The following TLCD3B variants were observed in gnomAD, a reference collection of about 807,000 sequenced individuals.
TLCD3B encodes the protein ceramide synthase.
Under a neutral mutation model 23.0 loss-of-function variants are expected in TLCD3B, and 9 were observed. The ratio of observed to expected loss-of-function variants is 0.39; its 90% CI spans 0.24 to 0.68. The LOEUF (loss-of-function observed/expected upper bound fraction) is 0.68. Among genes scored for constraint, TLCD3B ranks in the 30% least tolerant of loss-of-function variants. The pLI, the probability that TLCD3B is intolerant of heterozygous loss-of-function variation, is 0.44. For synonymous variants in TLCD3B, 161 were observed against 161.0 expected (o/e 1.00, Z 0.00); for missense variants, 307 against 371.8 (o/e 0.83, Z 1.43).
At chr16:30,035,221 C>T (rs2071444994), upstream of TLCD3B, 1 of 1,085,910 alleles carries the variant, frequency 9.2e-7, no homozygotes, top group Non-Finnish European at 1.2e-6. Flanking sequence ...CTGCTGGTGT[C>T]TTTTGACTCC....
intron 3 of TLCD3B, among the ~76,000 whole-genome samples, chr16:30,039,207 G>A (rs757931374): frequency 3.6e-5 from 5 of 139,528 alleles, no homozygotes; most frequent in South Asian, 2.4e-4. Context: ...TACCGCAAAC[G>A]TCGCCTCCCA....
upstream of TLCD3B, chr16:30,035,318 C>T (rs1297650257): frequency 4.7e-6 from 6 of 1,288,300 alleles, no homozygotes; most frequent in South Asian, 6.2e-5. Flanking sequence ...AGCCATGGCC[C>T]CAGGAAGGAC....
At chr16:30,032,761 C>T (rs544126642), upstream of TLCD3B, 2 of 150,050 alleles carry the variant, frequency 1.3e-5, no homozygotes, top group East Asian at 4.1e-4. Flanking sequence ...GATCCTTATA[C>T]CTCAGTATCC....
chr16:30,026,869 G>A (rs750794691), intron 2 of TLCD3B, 26 bp from the exon 3 acceptor site: 13 of 1,594,562 alleles, frequency 8.2e-6, no homozygotes, highest in Non-Finnish European at 1.1e-5. Context: ...ACGGGGTGGG[G>A]GAGCAAGGAG....
rs1424591432 is a variant in TLCD3B, at chr16:30,025,525, C to T, written c.541-58G>A. The T allele has an allele frequency of 7.5e-6, 12 of 1,595,854 alleles. No individual in the cohort carries two copies. In the Admixed American group the frequency reaches 1.7e-4, roughly 23 times the overall value. ...CAGAAGGGCTCGGCCCCCCTTGGCC[C>T]TCTCCCTGCCTCCCTGCGACCCTAG... On this transcript the variant is annotated intron_variant, in intron 4 of 4. Transcript: ENST00000380495. The surrounding 1 kb of genome is among the most constrained non-coding windows in gnomAD (Gnocchi z 4.1).
intron 2 of TLCD3B, among the ~76,000 whole-genome samples, chr16:30,043,930 C>T (rs975312180): frequency 1.3e-5 from 2 of 151,488 alleles, no homozygotes; most frequent in African/African-American, 4.9e-5. Flanking sequence ...CAGCAATACG[C>T]CCGATCCTCC....
At chr16:30,034,217 G>A (rs1473835087), upstream of TLCD3B, among the ~76,000 whole-genome samples, 1 of 151,918 alleles carries the variant, frequency 6.6e-6, no homozygotes, top group African/African-American at 2.4e-5. Flanking sequence ...GGTCAAGGCT[G>A]CAGTGAATCA....
chr16:30,025,205 G>A lies in TLCD3B; in HGVS notation c.803C>T (p.Pro268Leu), dbSNP rs878975550. The A allele has an allele frequency of 8.7e-6, 13 of 1,487,758 alleles. No homozygotes were observed. The highest frequency in any genetic ancestry group is 6.8e-5 in the South Asian group (5 of 73,856). 92.2% of individuals were successfully genotyped at this position (1,487,758 alleles called of 1,614,324 possible). A position where few individuals can be genotyped will look rare whatever the true frequency, so the allele number is the denominator to read the frequency against. Residue 268 changes from proline to leucine, a missense_variant, in exon 5 of 5, where the codon CCG becomes CTG. Transcript: ENST00000380495. This position sits in a 1 kb window ranked among gnomAD's most constrained non-coding sequence, Gnocchi z 4.1. ...GCCTCAGTCCTGGGCCTGGCAGGCCGGGGGCGGCCGGGAGCGGGGCCAGAA... is the reference window on the plus strand; with the variant it reads ...GCCTCAGTCCTGGGCCTGGCAGGCCAGGGGCGGCCGGGAGCGGGGCCAGAA... ...RLFWPRSRPP[P>L]ACQAQD
chr16:30,036,362 A>AT, intron 3 of TLCD3B: 1 of 1,287,716 alleles, frequency 7.8e-7, no homozygotes, highest in Non-Finnish European at 1.0e-6. Flanking sequence ...AACTACATAT[A>AT]TTTACATAGA....
chr16:30,050,301 G>A (rs1211837051), intron 1 of TLCD3B, among the ~76,000 whole-genome samples: 1 of 152,184 alleles, frequency 6.6e-6, no homozygotes, highest in Non-Finnish European at 1.5e-5. Flanking sequence ...CAATTCGAGA[G>A]GCTGAGGCAG....
intron 2 of TLCD3B, among the ~76,000 whole-genome samples, chr16:30,044,462 C>G (rs920145396): frequency 3.3e-5 from 5 of 151,878 alleles, no homozygotes; most frequent in African/African-American, 1.2e-4. Context: ...TGCCTGCCAC[C>G]ACACTCGGCT....
intron 1 of TLCD3B, among the ~76,000 whole-genome samples, chr16:30,050,677 G>A (rs549997164): frequency 2.2e-4 from 33 of 152,228 alleles, no homozygotes; most frequent in Non-Finnish European, 4.7e-4. Flanking sequence ...AGGGCCAGGG[G>A]TGGCCAAGAG....
rs555376001 is a variant in TLCD3B, at chr16:30,051,536, A to G, written c.-294+1238T>C. Among the ~76,000 whole-genome samples the G allele has an allele frequency of 5.3e-5, 8 of 150,624 alleles. No homozygotes were observed. In the South Asian group the frequency reaches 6.3e-4, roughly 12 times the overall value. On this transcript the variant is annotated intron_variant, in intron 1 of 6. Transcript: ENST00000561666. Reference sequence around the variant, plus strand: ...AACTCCGTTTCAAAAAAAAAAAAAAAAAAGAAAAGAAAAGAAAAAAGAAAG... The same window carrying G: ...AACTCCGTTTCAAAAAAAAAAAAAAGAAAGAAAAGAAAAGAAAAAAGAAAG...
chr16:30,035,541 A>G, upstream of TLCD3B: 1 of 1,270,192 alleles, frequency 7.9e-7, no homozygotes, highest in Non-Finnish European at 1.0e-6. Flanking sequence ...ACACCCTCAG[A>G]CCCCCCAGCA....
At chr16:30,034,492 C>T (rs1749251877), upstream of TLCD3B, among the ~76,000 whole-genome samples, 1 of 151,970 alleles carries the variant, frequency 6.6e-6, no homozygotes, top group African/African-American at 2.4e-5. Context: ...TTGCTTGAGC[C>T]CAGGAGTTCA....
chr16:30,032,350 A>C (rs2071380605), upstream of TLCD3B, among the ~76,000 whole-genome samples: 1 of 152,152 alleles, frequency 6.6e-6, no homozygotes, highest in South Asian at 2.1e-4. Flanking sequence ...TCTCTGCCAG[A>C]GCCCACTCCT....
At position 30,026,596 on chromosome 16, in the gene TLCD3B, C is replaced by A. The variant is rs1327209726; in HGVS notation, c.444+13G>T. On this transcript the variant is annotated intron_variant, in intron 3 of 4. Transcript: ENST00000380495. ...CCACCCGCACCCCGCCCGCCCAGCT[C>A]CCCGGGACTCACCACTGAGAGTGGG... 6.2e-7 allele frequency: 1 copy of A among 1,607,232 alleles called. No individual in the cohort carries two copies. The highest frequency in any genetic ancestry group is 8.5e-7 in the Non-Finnish European group (1 of 1,175,058).
chr16:30,025,910 T>C lies in TLCD3B; in HGVS notation c.445-89A>G. ...CCTTCCTCTTTCCCCTCTGTCACTTTGGGAGATGCTTGACTCTGAACATCA... is the reference window on the plus strand; with the variant it reads ...CCTTCCTCTTTCCCCTCTGTCACTTCGGGAGATGCTTGACTCTGAACATCA... On this transcript the variant is annotated intron_variant, in intron 3 of 4. Transcript: ENST00000380495. The surrounding 1 kb of genome is among the most constrained non-coding windows in gnomAD (Gnocchi z 4.1). The C allele has an allele frequency of 2.0e-6, 2 of 1,013,486 alleles. No individual in the cohort carries two copies. Among genetic ancestry groups the C allele is most frequent in the Non-Finnish European group, 3.0e-6 (2 of 659,880 alleles). The allele number at this position is 1,013,486 out of a possible 1,614,324, so 62.8% of individuals were successfully genotyped here.
chr16:30,027,707 C>G (rs2071209765), intron 2 of TLCD3B: 1 of 453,386 alleles, frequency 2.2e-6, no homozygotes. Flanking sequence ...GATGAATAGA[C>G]AAGACAGCAT....
Sources: allele counts gnomAD v4.1 joint callset (sites outside exome capture counted in the v4.1 genomes callset), GRCh38; gene constraint gnomAD v4.1.1; non-coding constraint Gnocchi (gnomAD v3.1); transcripts MANE v1.5; gene names NCBI Gene and HGNC (gene_info 2026-07-23, HGNC 2026-07-21).